Variants in TMC1 observed in about 807,000 individuals in gnomAD.
TMC1 encodes the protein transmembrane channel-like protein 1.
Under a neutral mutation model 105.8 loss-of-function variants are expected in TMC1, and 84 were observed. The observed-to-expected ratio is 0.79, with a 90% CI of 0.67 to 0.95. TMC1 has a LOEUF of 0.95. TMC1 is among the 40% of genes least tolerant of loss of function. TMC1 has a pLI of 0.00. For missense variants in TMC1, 817 were observed against 914.1 expected, an observed-to-expected ratio of 0.89 and a Z score of 1.37; for synonymous variants, 315 against 311.5, an observed-to-expected ratio of 1.01 and a Z score of -0.12.
intron 1 of TMC1, among the ~76,000 whole-genome samples, chr9:72,525,389 C>G (rs1823388293): frequency 6.6e-6 from 1 of 152,230 alleles, no homozygotes; most frequent in African/African-American, 2.4e-5. Context: ...GAACCAGATA[C>G]TACATTACCT....
intron 5 of TMC1, among the ~76,000 whole-genome samples, chr9:72,673,914 C>T (rs1219597525): frequency 1.3e-5 from 2 of 152,138 alleles, no homozygotes; most frequent in Admixed American, 1.3e-4. Context: ...TTTCCCAACT[C>T]TCCCTGAGGC....
At chr9:72,828,569 TA>T (rs1317110501) in intron 21 of TMC1, among the ~76,000 whole-genome samples, 1 of 152,232 alleles carries the variant, frequency 6.6e-6, no homozygotes, top group Admixed American at 6.5e-5. Context: ...TAAGAGGGTT[TA>T]AAAGGAATTC....
At chr9:72,656,786 T>TC (rs1564472057) in intron 5 of TMC1, among the ~76,000 whole-genome samples, 11 of 152,214 alleles carry the variant, frequency 7.2e-5, no homozygotes, top group African/African-American at 2.7e-4. Context: ...TTTCTTTTTT[T>TC]TCCCCCCTCC....
At chr9:72,640,924 C>T (rs924811256) in intron 4 of TMC1, among the ~76,000 whole-genome samples, 2 of 152,000 alleles carry the variant, frequency 1.3e-5, no homozygotes, top group African/African-American at 4.8e-5. Context: ...AGCCACGGTG[C>T]CTGGCCTTTA....
chr9:72,619,018 A>G (rs1238285022), intron 3 of TMC1, among the ~76,000 whole-genome samples: 3 of 152,192 alleles, frequency 2.0e-5, no homozygotes, highest in Admixed American at 6.5e-5. Flanking sequence ...ATTTTCCACT[A>G]AAAGGAATGA....
rs1469818234 is a variant in TMC1, at chr9:72,754,876, G to A, written c.733G>A (p.Asp245Asn). 3 of 1,612,962 alleles carry A rather than the reference G, an allele frequency of 1.9e-6. No homozygotes were observed. The highest frequency in any genetic ancestry group is 4.5e-5 in the East Asian group (2 of 44,864). The change falls in exon 12 of 24, where the codon GAC becomes AAC. Residue 245 changes from aspartate to asparagine, a missense_variant. Asp to Asn is a conservative substitution (Grantham distance 23). Coordinates refer to ENST00000297784, the MANE Select transcript of TMC1 (RefSeq NM_138691.3). ...GGCAGCAAACTTTGGTGTGTTGTACGACTTCAATGTAAGTGTCTCCACACA... is the reference window on the plus strand; with the variant it reads ...GGCAGCAAACTTTGGTGTGTTGTACAACTTCAATGTAAGTGTCTCCACACA... ...ASAANFGVLY[D>N]FNGLAQYSVL...
intron 5 of TMC1, among the ~76,000 whole-genome samples, chr9:72,650,529 C>T (rs1266650972): frequency 3.3e-5 from 5 of 151,624 alleles, no homozygotes; most frequent in African/African-American, 9.7e-5. Flanking sequence ...CTTGGGAGTA[C>T]GTATGAAAGT....
intron 1 of TMC1, among the ~76,000 whole-genome samples, chr9:72,527,474 C>T (rs1381362935): frequency 6.6e-6 from 1 of 152,122 alleles, no homozygotes; most frequent in African/African-American, 2.4e-5. Context: ...CCTGGTTTTG[C>T]TCTGCTGATT....
At chr9:72,655,919 C>G in intron 5 of TMC1, 1 of 797,696 alleles carries the variant, frequency 1.3e-6, no homozygotes, top group Admixed American at 1.7e-5. Context: ...AAGGACTGAG[C>G]AAGTCAATGA....
chr9:72,813,336 T>A (rs1020318556), intron 18 of TMC1, among the ~76,000 whole-genome samples: 3 of 152,186 alleles, frequency 2.0e-5, no homozygotes, highest in Non-Finnish European at 4.4e-5. Flanking sequence ...ATACTACATA[T>A]GTGTAGTTTT....
chr9:72,534,837 C>T (rs1216764334), intron 1 of TMC1, among the ~76,000 whole-genome samples: 2 of 152,004 alleles, frequency 1.3e-5, no homozygotes, highest in East Asian at 1.9e-4. Context: ...ATTAAGAAGT[C>T]CAAAACCCAA....
At chr9:72,587,422 T>C (rs1024152583) in intron 2 of TMC1, among the ~76,000 whole-genome samples, 2 of 152,202 alleles carry the variant, frequency 1.3e-5, no homozygotes, top group South Asian at 4.1e-4. Context: ...TCTCCCAAAG[T>C]GCTGGGATTA....
intron 1 of TMC1, among the ~76,000 whole-genome samples, chr9:72,550,120 T>C (rs1823836692): frequency 6.6e-6 from 1 of 152,102 alleles, no homozygotes; most frequent in Admixed American, 6.5e-5. Context: ...ATTGCCCTGA[T>C]ATCCTGACAC....
intron 4 of TMC1, among the ~76,000 whole-genome samples, chr9:72,646,221 T>C (rs1825708756): frequency 6.6e-6 from 1 of 152,326 alleles, no homozygotes; most frequent in African/African-American, 2.4e-5. Flanking sequence ...TTATGAACAG[T>C]GCTACTAATA....
At chr9:72,816,332 T>G (rs770565293) in intron 19 of TMC1, 122 bp downstream of exon 19, 88 of 924,150 alleles carry the variant, frequency 9.5e-5, no homozygotes, top group Middle Eastern at 4.4e-4. Flanking sequence ...TATTTACTTT[T>G]GCAAAGTGGA....
At chr9:72,742,361 A>G in intron 9 of TMC1, 83 bp from the exon 10 acceptor site, 1 of 1,044,242 alleles carries the variant, frequency 9.6e-7, no homozygotes, top group Non-Finnish European at 1.5e-6. Flanking sequence ...AGCTTACTGC[A>G]TTGTAATGTT....
chr9:72,673,608 G>A (rs187436378), intron 5 of TMC1, among the ~76,000 whole-genome samples: 1 of 152,024 alleles, frequency 6.6e-6, no homozygotes, highest in African/African-American at 2.4e-5. Context: ...AAATTCTACA[G>A]ATAGTAAAAG....
chr9:72,608,445 G>A (rs141866720), intron 2 of TMC1, among the ~76,000 whole-genome samples: 17 of 152,150 alleles, frequency 1.1e-4, no homozygotes, highest in Admixed American at 9.2e-4. Flanking sequence ...GGTGGCCCAC[G>A]CCTGTAATCC....
chr9:72,787,880 T>A (rs955163759), intron 13 of TMC1, among the ~76,000 whole-genome samples: 3 of 152,186 alleles, frequency 2.0e-5, no homozygotes, highest in African/African-American at 7.2e-5. Flanking sequence ...TTTCTTTGCC[T>A]GGTTTAGTCC....
Sources: gnomAD v4.1 joint callset for allele counts (sites outside exome capture counted in the v4.1 genomes callset) on GRCh38, gnomAD v4.1.1 for gene constraint, MANE v1.5 for transcripts, NCBI Gene and HGNC (gene_info 2026-07-23, HGNC 2026-07-21) for gene names.